BICDL1: variants seen among roughly 807,000 people sequenced by gnomAD.
The protein encoded by BICDL1 is BICD family-like cargo adapter 1.
A neutral mutation model predicts 76.8 loss-of-function variants in BICDL1; 20 were observed. The observed-to-expected ratio is 0.26, with a 90% confidence interval of 0.18 to 0.38. The LOEUF (loss-of-function observed/expected upper bound fraction) is 0.38, where lower values mean the gene tolerates loss of function less well. Among genes scored for constraint, BICDL1 ranks in the 10% least tolerant of loss-of-function variants. The pLI, the probability that BICDL1 is intolerant of heterozygous loss-of-function variation, is 1.00. For synonymous variants in BICDL1, 383 were observed against 337.1 expected, an observed-to-expected ratio of 1.14 and a Z score of -1.49; for missense variants, 700 against 798.6, an observed-to-expected ratio of 0.88 and a Z score of 1.49.
At chr12:120,086,271 G>A (rs982031934) in intron 8 of BICDL1, among the ~76,000 whole-genome samples, 1 of 152,164 alleles carries the variant, frequency 6.6e-6, no homozygotes, top group Non-Finnish European at 1.5e-5. Context: ...CCATACCTTA[G>A]AAATGAATTT....
At chr12:120,040,034 T>C (rs569457262) in intron 2 of BICDL1, among the ~76,000 whole-genome samples, 1 of 152,324 alleles carries the variant, frequency 6.6e-6, no homozygotes, top group East Asian at 1.9e-4. Context: ...ACTGGGATGT[T>C]ACCAGACTAC....
chr12:120,050,742 A>G, intron 2 of BICDL1, among the ~76,000 whole-genome samples: 1 of 150,922 alleles, frequency 6.6e-6, no homozygotes, highest in East Asian at 2.0e-4. Flanking sequence ...CCCAGGTTCA[A>G]GCAATTCTCA....
intron 8 of BICDL1, among the ~76,000 whole-genome samples, chr12:120,089,519 A>G (rs1389345363): frequency 6.6e-6 from 1 of 152,132 alleles, no homozygotes; most frequent in African/African-American, 2.4e-5. Context: ...AGTAACTGGG[A>G]TTACAGGCAT....
At chr12:120,025,346 G>A (rs1016602718) in intron 2 of BICDL1, among the ~76,000 whole-genome samples, 3 of 152,096 alleles carry the variant, frequency 2.0e-5, no homozygotes, top group African/African-American at 7.2e-5. Flanking sequence ...CACCGCGCCC[G>A]GCCGATATTA....
chr12:120,061,781 A>G lies in BICDL1; in HGVS notation c.717A>G (p.Ser239=), dbSNP rs1205226494. The G allele has an allele frequency of 2.5e-6, 4 of 1,614,208 alleles. No individual in the cohort carries two copies. The highest frequency in any genetic ancestry group is 1.7e-5 in the Admixed American group (1 of 60,028). The stretch of plus-strand genomic sequence containing the variant: ...GAGAAGACTTTCGGGAGAAAAACTC[A>G]TCAACCAACCAGCACATTATCCGGC... ...ALREDFREKN[S]STNQHIIRLE... Residue 239 remains serine, a synonymous_variant, in exon 3 of 10, where the codon TCA becomes TCG. Coordinates refer to ENST00000548673, the MANE Select transcript of BICDL1 (RefSeq NM_001367886.1).
At chr12:120,006,781 T>C (rs1252388716) in intron 2 of BICDL1, among the ~76,000 whole-genome samples, 1 of 152,194 alleles carries the variant, frequency 6.6e-6, no homozygotes, top group Non-Finnish European at 1.5e-5. Flanking sequence ...CCAGATCTCA[T>C]AGGGCCTTGC....
chr12:120,068,448 G>A lies in BICDL1; in HGVS notation c.910-3174G>A, dbSNP rs114116351. ...CATGTGGTCGTGTGTCTAGCTTCTAGCAAACTGATGACAATTCTGCAACTA... is the reference window on the plus strand; with the variant it reads ...CATGTGGTCGTGTGTCTAGCTTCTAACAAACTGATGACAATTCTGCAACTA... On this transcript the variant is annotated intron_variant, in intron 4 of 9. Transcript: ENST00000548673. 3.6e-3 allele frequency among the ~76,000 whole-genome samples: 548 copies of A among 152,276 alleles called. 3 individuals carry two copies. Among genetic ancestry groups the A allele is most frequent in the African/African-American group, 0.013 (531 of 41,540 alleles).
chr12:120,075,866 A>G (rs181391786), intron 7 of BICDL1, among the ~76,000 whole-genome samples: 18 of 152,244 alleles, frequency 1.2e-4, no homozygotes, highest in South Asian at 2.1e-4. Context: ...TGCCATTTCA[A>G]TCTGTGGCTT....
chr12:120,039,893 A>G (rs1952604149), intron 2 of BICDL1, among the ~76,000 whole-genome samples: 1 of 152,076 alleles, frequency 6.6e-6, no homozygotes, highest in Admixed American at 6.5e-5. Context: ...GTAAAACCCT[A>G]TGGGGCTAAT....
intron 2 of BICDL1, among the ~76,000 whole-genome samples, chr12:120,054,061 A>C (rs1286233892): frequency 6.9e-6 from 1 of 144,590 alleles, no homozygotes; most frequent in Non-Finnish European, 1.5e-5. Context: ...CTATAATCCC[A>C]AAAAAATTGT....
At chr12:120,084,001 CT>C (rs919909209) in intron 8 of BICDL1, among the ~76,000 whole-genome samples, 131 of 146,420 alleles carry the variant, frequency 8.9e-4, no homozygotes, top group African/African-American at 1.1e-3. Flanking sequence ...CACTTTTATT[CT>C]TTTTTTTTTT....
chr12:120,049,046 T>C (rs1361663692), intron 2 of BICDL1, among the ~76,000 whole-genome samples: 1 of 152,210 alleles, frequency 6.6e-6, no homozygotes, highest in African/African-American at 2.4e-5. Context: ...GTCACTGTCC[T>C]TAAAAAGCTT....
Position 120,093,314 on chromosome 12 carries a change from G to C in BICDL1, c.*153G>C, listed in dbSNP as rs1192980975. On this transcript the variant is annotated 3_prime_UTR_variant, in exon 10 of 10. Transcript: ENST00000548673. ...CCGGGAGGGCCTGCTCCCTTTCGTC[G>C]GTGGGGATGGAGACCTAGAGGTGGG... The C allele has an allele frequency of 3.5e-6, 3 of 868,444 alleles. No homozygotes were observed. Among genetic ancestry groups the C allele is most frequent in the African/African-American group, 1.7e-5 (1 of 58,688 alleles). The allele number at this position is 868,444 out of a possible 1,614,324, so 53.8% of individuals were successfully genotyped here.
At chr12:120,081,571 A>T (rs1873991906) in intron 8 of BICDL1, among the ~76,000 whole-genome samples, 1 of 150,732 alleles carries the variant, frequency 6.6e-6, no homozygotes, top group African/African-American at 2.4e-5. Context: ...CTGGTCTCCA[A>T]CTCCTGACCT....
chr12:120,004,500 A>G (rs897804201), intron 2 of BICDL1, among the ~76,000 whole-genome samples: 2 of 152,228 alleles, frequency 1.3e-5, no homozygotes, highest in African/African-American at 4.8e-5. Flanking sequence ...GCCTAGGTCC[A>G]AGGCCAGGAG....
At chr12:120,008,141 T>C (rs573270349) in intron 2 of BICDL1, among the ~76,000 whole-genome samples, 16 of 147,930 alleles carry the variant, frequency 1.1e-4, no homozygotes, top group Admixed American at 2.8e-4. Context: ...GTCATGATAA[T>C]TACTCTTTCT....
chr12:120,021,288 A>T (rs1416401682), intron 2 of BICDL1, among the ~76,000 whole-genome samples: 1 of 150,082 alleles, frequency 6.7e-6, no homozygotes, highest in South Asian at 2.1e-4. Flanking sequence ...CATCTCAAAA[A>T]AAAAAAGGAG....
At chr12:120,025,838 C>CT (rs1412892591) in intron 2 of BICDL1, among the ~76,000 whole-genome samples, 1 of 151,050 alleles carries the variant, frequency 6.6e-6, no homozygotes, top group Non-Finnish European at 1.5e-5. Flanking sequence ...TTACTGCTTT[C>CT]TTTTTTTTCT....
rs1951480918 is a variant in BICDL1, at chr12:119,990,005, C to T, written c.137C>T (p.Pro46Leu). The T allele has an allele frequency of 2.7e-6, 4 of 1,487,800 alleles. No homozygotes were observed. The highest frequency in any genetic ancestry group is 2.7e-6 in the Non-Finnish European group (3 of 1,131,270). 92.2% of individuals were successfully genotyped at this position (1,487,800 alleles called of 1,614,324 possible). ...SPAAAAALIF[P>L]GGSGELELAL... is the part of the protein sequence containing the mutation. ...GCCGCCGCCGCCGCCCTCATCTTCC[C>T]CGGGGGCTCCGGGGAGCTAGAACTG... The change falls in exon 1 of 10, where the codon CCC becomes CTC. Residue 46 changes from proline to leucine, a missense_variant. This residue lies in a region of BICDL1 where 225 missense variants were observed against 199.6 expected (regional missense o/e 1.13). Coordinates refer to ENST00000548673, the MANE Select transcript of BICDL1 (RefSeq NM_001367886.1).
Sources: gnomAD v4.1 joint callset for allele counts (sites outside exome capture counted in the v4.1 genomes callset) on GRCh38, gnomAD v4.1.1 for gene constraint, gnomAD v4.1.1 regional missense constraint, MANE v1.5 for transcripts, NCBI Gene and HGNC (gene_info 2026-07-23, HGNC 2026-07-21) for gene names.